The following CCDC28A variants were observed in gnomAD, a reference collection of about 807,000 sequenced individuals.
The protein encoded by CCDC28A is coiled-coil domain containing 28A, also known as coiled-coil domain-containing protein 28A.
A neutral mutation model predicts 22.1 loss-of-function variants in CCDC28A; 24 were observed. The ratio of observed to expected loss-of-function variants is 1.09; its 90% CI spans 0.79 to 1.53. CCDC28A has a LOEUF of 1.53. Ranked by LOEUF, CCDC28A falls within the 40% of genes most tolerant of loss-of-function variation. The probability of loss-of-function intolerance (pLI) is 0.00; values close to 1 mark genes in which losing one functional copy is unlikely to be tolerated. For synonymous variants in CCDC28A, 83 were observed against 74.7 expected, an observed-to-expected ratio of 1.11 and a Z score of -0.57; for missense variants, 170 against 210.7, an observed-to-expected ratio of 0.81 and a Z score of 1.20.
intron 3 of CCDC28A, among the ~76,000 whole-genome samples, chr6:138,783,555 A>G (rs1284190502): frequency 2.7e-5 from 4 of 150,822 alleles, no homozygotes; most frequent in Non-Finnish European, 5.9e-5. Flanking sequence ...CTCCTGCCTC[A>G]GCCTCCCGAG....
intron 5 of CCDC28A, among the ~76,000 whole-genome samples, chr6:138,791,603 TGC>T (rs1775171570): frequency 6.6e-6 from 1 of 152,196 alleles, no homozygotes; most frequent in South Asian, 2.1e-4. Context: ...GTTTTCTGGA[TGC>T]CCAAGAAACA....
At chr6:138,781,539 A>G (rs1464287932) in intron 3 of CCDC28A, among the ~76,000 whole-genome samples, 1 of 152,218 alleles carries the variant, frequency 6.6e-6, no homozygotes, top group Non-Finnish European at 1.5e-5. Flanking sequence ...TAAATAATTT[A>G]TGAAAAAATG....
Position 138,779,956 on chromosome 6 carries a change from A to T in CCDC28A, c.293A>T (p.Asp98Val), listed in dbSNP as rs1274542107. 1 of 1,610,962 alleles carries T rather than the reference A, an allele frequency of 6.2e-7. No individual in the cohort carries two copies. The highest frequency in any genetic ancestry group is 8.5e-7 in the Non-Finnish European group (1 of 1,178,984). Residue 98 changes from aspartate to valine, a missense_variant, in exon 3 of 6, where the codon GAT (aspartate) becomes GTT (valine). By Grantham distance (152) the Asp-to-Val change is radical. Coordinates refer to ENST00000617445, the MANE Select transcript of CCDC28A (RefSeq NM_015439.3). Reference sequence around the variant, plus strand: ...AGAGGGCTGCTCAGTCTTTTGAATGATTTCCACTCTGGAAAACTTCAAGCA... The same window carrying T: ...AGAGGGCTGCTCAGTCTTTTGAATGTTTTCCACTCTGGAAAACTTCAAGCA... Reference protein sequence around the residue: ...MERGLLSLLNDFHSGKLQAFG... With the variant: ...MERGLLSLLNVFHSGKLQAFG...
intron 3 of CCDC28A, among the ~76,000 whole-genome samples, chr6:138,783,268 C>CTTTT (rs36017020): frequency 2.6e-5 from 3 of 113,612 alleles, no homozygotes; most frequent in African/African-American, 6.6e-5. Flanking sequence ...CGTTATTGAA[C>CTTTT]TTTTTTTTTT....
chr6:138,775,237 G>A (rs1774912125), intron 1 of CCDC28A, among the ~76,000 whole-genome samples: 1 of 152,172 alleles, frequency 6.6e-6, no homozygotes, highest in African/African-American at 2.4e-5. Context: ...GGCCGGAAGG[G>A]TATTTTTTAA....
chr6:138,788,386 C>T lies in CCDC28A; in HGVS notation c.498C>T (p.Ser166=). Residue 166 remains serine, a splice_region_variant and synonymous_variant, in exon 5 of 6, where the codon TCC becomes TCT. Coordinates refer to ENST00000617445, the MANE Select transcript of CCDC28A (RefSeq NM_015439.3). The part of the protein sequence containing the change: ...LLSDLEELNS[S]IQKLHLADAQ... ...TACAGTTAGAAGAATTGAATTCTTC[C>T]ATGTATCCTTTGTCTGCTATCAACA... 1.6e-6 allele frequency: 2 copies of T among 1,260,360 alleles called. No individual in the cohort carries two copies. Among genetic ancestry groups the T allele is most frequent in the South Asian group, 3.0e-5 (2 of 66,748 alleles). 78.1% of individuals were successfully genotyped at this position (1,260,360 alleles called of 1,614,324 possible).
chr6:138,779,288 T>G (rs1429620422), intron 2 of CCDC28A, among the ~76,000 whole-genome samples: 1 of 152,156 alleles, frequency 6.6e-6, no homozygotes, highest in Non-Finnish European at 1.5e-5. Flanking sequence ...CATGACTGCA[T>G]GTAGGAGCCT....
chr6:138,789,495 A>G (rs1775138673), intron 5 of CCDC28A, among the ~76,000 whole-genome samples: 1 of 152,312 alleles, frequency 6.6e-6, no homozygotes, highest in East Asian at 1.9e-4. Flanking sequence ...TTATATTCAT[A>G]CTGTTATTAA....
chr6:138,782,554 T>A (rs1397498617), intron 3 of CCDC28A, among the ~76,000 whole-genome samples: 1 of 152,208 alleles, frequency 6.6e-6, no homozygotes, highest in East Asian at 1.9e-4. Flanking sequence ...ACTCTCATCT[T>A]TTCCCATATG....
chr6:138,783,963 A>C lies in CCDC28A; in HGVS notation c.323-1264A>C, dbSNP rs1775057521. Among the ~76,000 whole-genome samples, 4 of 140,536 alleles carry C rather than the reference A, an allele frequency of 2.8e-5. No individual in the cohort carries two copies. The Admixed American group carries it at 2.9e-4, about 10-fold the overall frequency. The allele number at this position is 140,536 out of a possible 152,430, so 92.2% of individuals were successfully genotyped here. On this transcript the variant is annotated intron_variant, in intron 3 of 5. Transcript: ENST00000617445. ...GTGATCATGGTTCACTGCAGCCTCA[A>C]CCTCCCCAGGCTTATATGATCCTCC...
chr6:138,776,500 A>G (rs574235163), intron 2 of CCDC28A, among the ~76,000 whole-genome samples: 1 of 152,308 alleles, frequency 6.6e-6, no homozygotes, highest in Non-Finnish European at 1.5e-5. Context: ...GTCTTATATT[A>G]AAATATACAA....
chr6:138,785,683 A>G (rs1324064333), intron 4 of CCDC28A, among the ~76,000 whole-genome samples: 1 of 152,102 alleles, frequency 6.6e-6, no homozygotes, highest in Non-Finnish European at 1.5e-5. Context: ...ATTTTACTTA[A>G]TGTTCAAGTT....
chr6:138,783,187 T>A (rs941267836), intron 3 of CCDC28A, among the ~76,000 whole-genome samples: 1 of 151,952 alleles, frequency 6.6e-6, no homozygotes, highest in Non-Finnish European at 1.5e-5. Context: ...TCATGCTTCA[T>A]AAATATTTTT....
In CCDC28A at chr6:138,790,184, G is replaced by A. The variant is rs1465839942; in HGVS notation, c.500+1796G>A. On this transcript the variant is annotated intron_variant, in intron 5 of 5. Transcript: ENST00000617445. ...GTTTGTTTGTTTTGAGACGGGTCTC[G>A]CCCTGTCGCCCAGGCTGAAGCAGTA... Among the ~76,000 whole-genome samples, 5 of 151,930 alleles carry A rather than the reference G, an allele frequency of 3.3e-5. No individual in the cohort carries two copies. In the South Asian group the frequency reaches 6.2e-4, roughly 19 times the overall value.
chr6:138,786,894 G>C lies in CCDC28A; in HGVS notation c.478-1472G>C, dbSNP rs577300014. Among the ~76,000 whole-genome samples, 163 of 152,356 alleles carry C rather than the reference G, an allele frequency of 1.1e-3. 1 individual carries two copies. The highest frequency in any genetic ancestry group is 1.6e-3 in the Non-Finnish European group (111 of 68,032). ...GCCTCCCCAAGTGCTGGGATCACAA[G>C]TGTGAGCCACGGTGTCTGGCTTTAC... On this transcript the variant is annotated intron_variant, in intron 4 of 5. Coordinates refer to ENST00000617445, the MANE Select transcript of CCDC28A (RefSeq NM_015439.3).
intron 2 of CCDC28A, among the ~76,000 whole-genome samples, chr6:138,777,272 G>A (rs72985039): frequency 0.031 from 4,666 of 152,220 alleles, 115 homozygotes; most frequent in Non-Finnish European, 0.042. Flanking sequence ...TCTCTTTGTC[G>A]AAACAGAAGG....
At chr6:138,783,499 G>A (rs1421033693) in intron 3 of CCDC28A, among the ~76,000 whole-genome samples, 4 of 149,588 alleles carry the variant, frequency 2.7e-5, no homozygotes, top group East Asian at 3.9e-4. Flanking sequence ...GTGCAGTGGC[G>A]CGATCTCTGC....
chr6:138,791,254 T>G (rs1191368739), intron 5 of CCDC28A, among the ~76,000 whole-genome samples: 6 of 152,024 alleles, frequency 3.9e-5, no homozygotes, highest in East Asian at 3.9e-4. Context: ...CTATTTTTTT[T>G]TTTGTTTTTA....
chr6:138,774,208 G>A (rs1468391433), intron 1 of CCDC28A, among the ~76,000 whole-genome samples: 1 of 152,238 alleles, frequency 6.6e-6, no homozygotes, highest in Admixed American at 6.5e-5. Context: ...TTCCAAAAAC[G>A]AGGAAATCGC....
Sources: gnomAD v4.1 joint callset for allele counts (sites outside exome capture counted in the v4.1 genomes callset) on GRCh38, gnomAD v4.1.1 for gene constraint, MANE v1.5 for transcripts, NCBI Gene and HGNC (gene_info 2026-07-23, HGNC 2026-07-21) for gene names.